DMD: variants seen among roughly 807,000 people sequenced by gnomAD.
DMD encodes the protein mutant dystrophin.
DMD carries 63 observed loss-of-function variants against 330.1 expected under a neutral mutation model. That is an observed-to-expected ratio of 0.19 (90% CI 0.16 to 0.24). DMD has a LOEUF of 0.24. Ranked by LOEUF, DMD falls within the 10% of genes least tolerant of loss-of-function variation. DMD has a pLI of 1.00. For missense variants in DMD, 3,344 were observed against 2,684.1 expected (o/e 1.25, Z -5.43); for synonymous variants, 1,223 against 959.8 (o/e 1.27, Z -5.07).
At chrX:33,145,412 C>T (rs999526394) in intron 1 of DMD, among the ~76,000 whole-genome samples, 2 of 111,383 alleles carry the variant, frequency 1.8e-5, no homozygotes, top group Non-Finnish European at 3.8e-5. Flanking sequence ...TCAGTTTGTT[C>T]TCAATGCAAC....
intron 52 of DMD, among the ~76,000 whole-genome samples, chrX:31,721,224 C>T (rs16989795): frequency 0.14 from 14,998 of 110,946 alleles, 877 homozygotes; most frequent in Admixed American, 0.31. Context: ...ATGATGATGG[C>T]TGATGATGGT....
chrX:32,191,231 T>C (rs1328035704), intron 44 of DMD, among the ~76,000 whole-genome samples: 1 of 111,778 alleles, frequency 8.9e-6, no homozygotes, highest in Non-Finnish European at 1.9e-5. Context: ...TTGGAATTAT[T>C]CAGCACAAGT....
At chrX:32,435,478 C>T (rs964334730) in intron 29 of DMD, among the ~76,000 whole-genome samples, 1 of 108,129 alleles carries the variant, frequency 9.2e-6, no homozygotes, top group African/African-American at 3.3e-5. Flanking sequence ...ACAAAAAAAA[C>T]CCCCTATGAA....
At chrX:31,405,084 G>A (rs973792715) in intron 60 of DMD, among the ~76,000 whole-genome samples, 6 of 111,775 alleles carry the variant, frequency 5.4e-5, no homozygotes, top group East Asian at 2.8e-4. Context: ...TTAGAAATCC[G>A]GAGAGTTCTG....
intron 44 of DMD, among the ~76,000 whole-genome samples, chrX:32,134,941 A>G (rs1485002018): frequency 8.9e-6 from 1 of 112,145 alleles, no homozygotes; most frequent in East Asian, 2.8e-4. Flanking sequence ...TGGATTATCT[A>G]TGAAATATAT....
intron 27 of DMD, among the ~76,000 whole-genome samples, chrX:32,445,453 T>C (rs964870427): frequency 9.0e-6 from 1 of 111,228 alleles, no homozygotes; most frequent in Non-Finnish European, 1.9e-5. Context: ...TGTGAGACCA[T>C]TTATTCTCAC....
intron 43 of DMD, among the ~76,000 whole-genome samples, chrX:32,250,440 C>T (rs766970163): frequency 1.8e-5 from 2 of 111,746 alleles, no homozygotes; most frequent in Admixed American, 1.9e-4. Context: ...TCTCTCTTTT[C>T]TATTAAGCTT....
chrX:31,861,641 T>A (rs549090793), intron 48 of DMD, among the ~76,000 whole-genome samples: 22,476 of 86,383 alleles, frequency 0.26, 2,678 homozygotes, highest in South Asian at 0.4. Flanking sequence ...TAATCACCTG[T>A]GTGTGTGTGT....
chrX:33,202,462 T>C (rs1326269810), intron 1 of DMD, among the ~76,000 whole-genome samples: 1 of 112,029 alleles, frequency 8.9e-6, no homozygotes, highest in Non-Finnish European at 1.9e-5. Flanking sequence ...ATGTATGTGA[T>C]GTAATCAGAG....
intron 4 of DMD, among the ~76,000 whole-genome samples, chrX:32,840,701 T>A (rs2148957770): frequency 8.9e-6 from 1 of 112,333 alleles, no homozygotes; most frequent in African/African-American, 3.2e-5. Flanking sequence ...ATAATTTGTC[T>A]GATTTATTTC....
In DMD at chrX:32,181,284, G is replaced by A. The variant is rs1168902923; in HGVS notation, c.6438+35632C>T. ...GCCAAGCAATACTGCTATCTGACGA[G>A]GAAGCTGTTGTTCTTTAACCTGGAC... On this transcript the variant is annotated intron_variant, in intron 44 of 78. Coordinates refer to ENST00000357033, the MANE Select transcript of DMD (RefSeq NM_004006.3). Among the ~76,000 whole-genome samples, 3 of 111,629 alleles carry A rather than the reference G, an allele frequency of 2.7e-5. No individual in the cohort carries two copies. In the East Asian group the frequency reaches 8.5e-4, roughly 32 times the overall value.
Position 32,450,577 on chromosome X carries a change from T to A in DMD, c.3604-1939A>T, listed in dbSNP as rs1294692406. On this transcript the variant is annotated intron_variant, in intron 26 of 78. Coordinates refer to ENST00000357033, the MANE Select transcript of DMD (RefSeq NM_004006.3). The stretch of plus-strand genomic sequence containing the variant: ...ATGTCATAAGTGCTACCTCATTAGA[T>A]CTTTACCCAAACCTTCTCGGATGTG... Among the ~76,000 whole-genome samples, 4 of 110,470 alleles carry A rather than the reference T, an allele frequency of 3.6e-5. No homozygotes were observed. The East Asian group carries it at 1.1e-3, about 31-fold the overall frequency.
intron 25 of DMD, among the ~76,000 whole-genome samples, chrX:32,461,153 C>CA (rs905624499): frequency 9.0e-6 from 1 of 111,316 alleles, no homozygotes; most frequent in African/African-American, 3.3e-5. Context: ...CATCTGGTGA[C>CA]AAAAAAGGAA....
At chrX:32,229,994 C>A (rs998620240) in intron 43 of DMD, among the ~76,000 whole-genome samples, 2 of 108,940 alleles carry the variant, frequency 1.8e-5, no homozygotes, top group Non-Finnish European at 3.8e-5. Flanking sequence ...TTTTGTCCTG[C>A]TTTAAAGAAT....
chrX:31,476,318 CTATGTGTATATA>C (rs1244777614), intron 59 of DMD, among the ~76,000 whole-genome samples: 2 of 101,654 alleles, frequency 2.0e-5, no homozygotes, highest in African/African-American at 3.6e-5. Flanking sequence ...ATATCTATAT[CTATGTGTATATA>C]TATGTGTATA....
At chrX:32,060,438 C>T (rs1439079815) in intron 44 of DMD, among the ~76,000 whole-genome samples, 2 of 111,332 alleles carry the variant, frequency 1.8e-5, no homozygotes, top group Non-Finnish European at 3.8e-5. Context: ...CTATATCATC[C>T]TTCCTGCAAC....
At chrX:31,833,352 G>GGAAA (rs2093113821) in intron 49 of DMD, among the ~76,000 whole-genome samples, 3 of 67,331 alleles carry the variant, frequency 4.5e-5, no homozygotes, top group African/African-American at 1.9e-4. Context: ...GGAGAGGGAG[G>GGAAA]GAGGGAAAGA....
chrX:32,529,379 C>CTTTTTTTTT (rs777955346), intron 17 of DMD, among the ~76,000 whole-genome samples: 1 of 31,036 alleles, frequency 3.2e-5, no homozygotes, highest in African/African-American at 1.4e-4. Flanking sequence ...CAAAAATCAA[C>CTTTTTTTTT]TTTTTTTTTT....
intron 53 of DMD, among the ~76,000 whole-genome samples, chrX:31,677,017 A>G (rs2082118199): frequency 9.0e-6 from 1 of 111,093 alleles, no homozygotes; most frequent in Non-Finnish European, 1.9e-5. Flanking sequence ...CAATCTCTAT[A>G]GATAGTGGCT....
Sources: gnomAD v4.1 joint callset for allele counts (sites outside exome capture counted in the v4.1 genomes callset) on GRCh38, gnomAD v4.1.1 for gene constraint, MANE v1.5 for transcripts, NCBI Gene and HGNC (gene_info 2026-07-23, HGNC 2026-07-21) for gene names.